Variants in PRKN observed in about 807,000 individuals in gnomAD.
PRKN encodes the protein parkin RBR E3 ubiquitin protein ligase, also known as E3 ubiquitin-protein ligase parkin.
A neutral mutation model predicts 59.5 loss-of-function variants in PRKN; 56 were observed. The ratio of observed to expected loss-of-function variants is 0.94; its 90% CI spans 0.76 to 1.18. PRKN has a LOEUF of 1.18. Among genes scored for constraint, PRKN ranks in the 50% most tolerant of loss-of-function variants. The pLI, the probability that PRKN is intolerant of heterozygous loss-of-function variation, is 0.00. For missense variants in PRKN, 657 were observed against 596.4 expected, an observed-to-expected ratio of 1.10 and a Z score of -1.06; for synonymous variants, 250 against 222.1, an observed-to-expected ratio of 1.13 and a Z score of -1.12.
At chr6:161,758,478 G>C (rs79600387) in intron 7 of PRKN, among the ~76,000 whole-genome samples, 5 of 152,084 alleles carry the variant, frequency 3.3e-5, no homozygotes, top group Non-Finnish European at 7.4e-5. Flanking sequence ...CAAAAAGAGA[G>C]TACATACTCT....
chr6:161,524,134 T>C (rs979079811), intron 9 of PRKN, among the ~76,000 whole-genome samples: 2 of 152,208 alleles, frequency 1.3e-5, no homozygotes, highest in Admixed American at 6.5e-5. Context: ...CAGCTTTCTG[T>C]GCATAGATCT....
At chr6:161,532,229 G>A (rs16892727) in intron 9 of PRKN, among the ~76,000 whole-genome samples, 26,331 of 149,610 alleles carry the variant, frequency 0.18, 2,579 homozygotes, top group Middle Eastern at 0.29. Context: ...GATGCTTCTT[G>A]CAGAAAAATT....
At chr6:162,131,943 G>T (rs1781379022) in intron 4 of PRKN, among the ~76,000 whole-genome samples, 1 of 152,196 alleles carries the variant, frequency 6.6e-6, no homozygotes, top group South Asian at 2.1e-4. Flanking sequence ...CACGGGCTGG[G>T]CATGGAGTGT....
chr6:162,346,618 C>G, intron 2 of PRKN, among the ~76,000 whole-genome samples: 1 of 151,846 alleles, frequency 6.6e-6, no homozygotes, highest in East Asian at 1.9e-4. Context: ...GAGACCTTGC[C>G]CCCATACCCC....
intron 5 of PRKN, among the ~76,000 whole-genome samples, chr6:162,045,447 C>A (rs1411891631): frequency 6.6e-6 from 1 of 152,196 alleles, no homozygotes; most frequent in Non-Finnish European, 1.5e-5. Flanking sequence ...AAACTATGTT[C>A]CTTTCTCCAA....
At chr6:162,073,441 T>G (rs970740087) in intron 4 of PRKN, among the ~76,000 whole-genome samples, 1 of 152,172 alleles carries the variant, frequency 6.6e-6, no homozygotes, top group Non-Finnish European at 1.5e-5. Context: ...TTGGGTTTTT[T>G]TGTTGTTGTT....
chr6:162,337,813 G>A (rs73028955), intron 2 of PRKN, among the ~76,000 whole-genome samples: 13,144 of 152,172 alleles, frequency 0.086, 1,081 homozygotes, highest in East Asian at 0.46. Flanking sequence ...ACAAAAGTAC[G>A]CTGAAGAGAC....
intron 4 of PRKN, among the ~76,000 whole-genome samples, chr6:162,099,687 ATGT>A (rs1779885037): frequency 6.6e-6 from 1 of 152,206 alleles, no homozygotes; most frequent in South Asian, 2.1e-4. Context: ...ATTGTATATA[ATGT>A]TGTTTTGAAA....
intron 1 of PRKN, among the ~76,000 whole-genome samples, chr6:162,552,363 C>A (rs775810290): frequency 8.6e-5 from 13 of 151,918 alleles, no homozygotes; most frequent in Admixed American, 5.9e-4. Context: ...ACTGTATGAG[C>A]GGGTGGCGAG....
chr6:162,006,749 T>C (rs557101860), intron 5 of PRKN, among the ~76,000 whole-genome samples: 22 of 152,168 alleles, frequency 1.4e-4, no homozygotes, highest in Non-Finnish European at 2.6e-4. Flanking sequence ...TAAAGCAGCC[T>C]CCCACCCTTC....
At position 161,429,484 on chromosome 6, in the gene PRKN, C is replaced by T. The variant is rs1474029408; in HGVS notation, c.1084-42607G>A. ...AATGTGGTGAGGCAGGGTGGTATCC[C>T]CAGAGCTGAGACCTTGCAATGGCTA... On this transcript the variant is annotated intron_variant, in intron 9 of 11. Transcript: ENST00000366898. The surrounding 1 kb of genome is among the most constrained non-coding windows in gnomAD (Gnocchi z 4.2). 6.6e-6 allele frequency among the ~76,000 whole-genome samples: 1 copy of T among 152,056 alleles called. No individual in the cohort carries two copies.
At chr6:162,169,384 A>G (rs1783148126) in intron 4 of PRKN, among the ~76,000 whole-genome samples, 2 of 152,218 alleles carry the variant, frequency 1.3e-5, no homozygotes, top group African/African-American at 4.8e-5. Context: ...CTACAGTTAT[A>G]AATCATAAAT....
At position 162,173,338 on chromosome 6, in the gene PRKN, C is replaced by T. The variant is rs544296603; in HGVS notation, c.534+27793G>A. ...GGACCAGCACTCTAGATTATAGCAC[C>T]GAGTACAAGATGGAAAACCAAGGAA... On this transcript the variant is annotated intron_variant, in intron 4 of 11. Transcript: ENST00000366898. Among the ~76,000 whole-genome samples the T allele has an allele frequency of 3.9e-5, 6 of 152,124 alleles. No homozygotes were observed. In the South Asian group the frequency reaches 6.2e-4, roughly 16 times the overall value.
At position 162,357,597 on chromosome 6, in the gene PRKN, A is replaced by T. The variant is rs562991199; in HGVS notation, c.171+85713T>A. On this transcript the variant is annotated intron_variant, in intron 2 of 11. Coordinates refer to ENST00000366898, the MANE Select transcript of PRKN (RefSeq NM_004562.3). ...TAGTTTGGCAGTTTCTTACAAAACT[A>T]AGCAGATTTACCATGCAATCCAGCA... 2.6e-5 allele frequency among the ~76,000 whole-genome samples: 4 copies of T among 152,326 alleles called. No individual in the cohort carries two copies. In the East Asian group the frequency reaches 7.7e-4, roughly 29 times the overall value.
chr6:161,978,207 G>T (rs749933670), intron 5 of PRKN, among the ~76,000 whole-genome samples: 13 of 152,038 alleles, frequency 8.6e-5, no homozygotes, highest in Non-Finnish European at 1.5e-4. Flanking sequence ...GTGCCACCAT[G>T]CCCAACCAAT....
intron 4 of PRKN, among the ~76,000 whole-genome samples, chr6:162,125,455 T>C (rs1583068079): frequency 6.6e-6 from 1 of 152,170 alleles, no homozygotes; most frequent in Non-Finnish European, 1.5e-5. Context: ...GGACAATATT[T>C]TTTTCCCTAC....
rs139424015 is a variant in PRKN, at chr6:162,008,485, C to G, written c.619-35068G>C. On this transcript the variant is annotated intron_variant, in intron 5 of 11. Transcript: ENST00000366898. Reference sequence around the variant, plus strand: ...CAAGGCTGAGAAGAGAACAGTGTATCGAAATGCATCATGTTCAGTGTTGTT... The same window carrying G: ...CAAGGCTGAGAAGAGAACAGTGTATGGAAATGCATCATGTTCAGTGTTGTT... Among the ~76,000 whole-genome samples, 63 of 152,212 alleles carry G rather than the reference C, an allele frequency of 4.1e-4. No individual in the cohort carries two copies. The East Asian group carries it at 0.011, about 28-fold the overall frequency.
intron 6 of PRKN, among the ~76,000 whole-genome samples, chr6:161,955,772 C>T (rs1026713272): frequency 6.6e-6 from 1 of 152,186 alleles, no homozygotes; most frequent in Non-Finnish European, 1.5e-5. Context: ...ATCGCTTGAA[C>T]TGGAGAGGTG....
At chr6:161,469,642 G>A (rs1169112491) in intron 9 of PRKN, among the ~76,000 whole-genome samples, 5 of 152,038 alleles carry the variant, frequency 3.3e-5, no homozygotes, top group African/African-American at 7.2e-5. Flanking sequence ...TGAAGATGGA[G>A]GAAGGGACCT....
Sources: allele counts gnomAD v4.1 joint callset (sites outside exome capture counted in the v4.1 genomes callset), GRCh38; gene constraint gnomAD v4.1.1; non-coding constraint Gnocchi (gnomAD v3.1); transcripts MANE v1.5; gene names NCBI Gene and HGNC (gene_info 2026-07-23, HGNC 2026-07-21).